The following MARCHF1 variants were observed in gnomAD, a reference collection of about 807,000 sequenced individuals.
MARCHF1 encodes membrane associated ring-CH-type finger 1, also known as E3 ubiquitin-protein ligase MARCHF1.
In MARCHF1, 40 loss-of-function variants were observed where a neutral mutation model predicts 54.2. The observed-to-expected ratio is 0.74, with a 90% CI of 0.57 to 0.96. The LOEUF is 0.96. MARCHF1 is among the 40% of genes least tolerant of loss of function. The pLI, the probability that MARCHF1 is intolerant of heterozygous loss-of-function variation, is 0.00. For missense variants in MARCHF1, 586 were observed against 656.5 expected, an observed-to-expected ratio of 0.89 and a Z score of 1.17; for synonymous variants, 236 against 236.3, an observed-to-expected ratio of 1.00 and a Z score of 0.01.
chr4:163,577,591 T>A (rs1299738218), intron 8 of MARCHF1, among the ~76,000 whole-genome samples: 2 of 152,018 alleles, frequency 1.3e-5, no homozygotes, highest in Admixed American at 6.6e-5. Flanking sequence ...ATCTTGCAGG[T>A]GTTCTCTGAA....
intron 3 of MARCHF1, among the ~76,000 whole-genome samples, chr4:163,894,910 T>TATATACATGCATGTGATGC (rs1560808131): frequency 1.8e-4 from 6 of 32,524 alleles, no homozygotes; most frequent in Admixed American, 4.2e-4. Context: ...GTGATGCATA[T>TATATACATGCATGTGATGC]ATATATATAT....
rs957760609 is a variant in MARCHF1 at position 164,351,496 on chromosome 4, G to A, written c.-323+32374C>T. On this transcript the variant is annotated intron_variant, in intron 1 of 9. Transcript: ENST00000514618. ...CTAACTGGGAGGCACCCCCCAGCAG[G>A]GGCACACTGACACCTCACACGGCAG... Among the ~76,000 whole-genome samples, 58 of 151,770 alleles carry A rather than the reference G, an allele frequency of 3.8e-4. 1 individual carries two copies. Among genetic ancestry groups the A allele is most frequent in the Non-Finnish European group, 6.6e-4 (45 of 67,866 alleles).
intron 1 of MARCHF1, among the ~76,000 whole-genome samples, chr4:164,267,499 G>A (rs1205530336): frequency 1.3e-5 from 2 of 152,138 alleles, no homozygotes; most frequent in Non-Finnish European, 2.9e-5. Flanking sequence ...ATGATTGCCT[G>A]TAGCCAACCC....
chr4:164,144,578 A>G (rs901423021), intron 1 of MARCHF1, among the ~76,000 whole-genome samples: 3 of 151,508 alleles, frequency 2.0e-5, no homozygotes, highest in African/African-American at 7.3e-5. Flanking sequence ...ACTACTGGGT[A>G]CATAACGAAA....
At chr4:164,067,325 TTAAAC>T (rs1424763820) in intron 2 of MARCHF1, among the ~76,000 whole-genome samples, 3 of 152,068 alleles carry the variant, frequency 2.0e-5, no homozygotes, top group Admixed American at 6.5e-5. Context: ...CTACCTGACT[TTAAAC>T]TATACTATAA....
Position 163,839,676 on chromosome 4 carries a change from T to C in MARCHF1, c.111+14345A>G, listed in dbSNP as rs140338800. ...ACATCTACAGAGACAAAGTGGATCA[T>C]AGTTGCCTAGTTGGAGGAGGCAAAT... On this transcript the variant is annotated intron_variant, in intron 4 of 9. Transcript: ENST00000514618. Among the ~76,000 whole-genome samples the C allele has an allele frequency of 5.3e-3, 810 of 152,230 alleles. 2 individuals carry two copies. Among genetic ancestry groups the C allele is most frequent in the Non-Finnish European group, 6.9e-3 (467 of 67,968 alleles).
chr4:164,207,585 G>T (rs1454015083), intron 1 of MARCHF1, among the ~76,000 whole-genome samples: 2 of 152,186 alleles, frequency 1.3e-5, no homozygotes, highest in African/African-American at 2.4e-5. Context: ...ACTGTGCTGG[G>T]GGGACTGAGG....
At chr4:164,036,590 A>G (rs1332168640) in intron 2 of MARCHF1, among the ~76,000 whole-genome samples, 2 of 152,230 alleles carry the variant, frequency 1.3e-5, no homozygotes. Context: ...GTTGTTTAAA[A>G]GACAAAAGAA....
chr4:164,042,858 A>G (rs529953373), intron 2 of MARCHF1, among the ~76,000 whole-genome samples: 5 of 152,346 alleles, frequency 3.3e-5, no homozygotes, highest in African/African-American at 9.6e-5. Context: ...AAATTGTCCA[A>G]AACAGACGGC....
At chr4:164,332,460 G>T (rs1159927421) in intron 1 of MARCHF1, among the ~76,000 whole-genome samples, 1 of 152,184 alleles carries the variant, frequency 6.6e-6, no homozygotes. Context: ...ATTGCTGATG[G>T]CAGTGGGGAT....
intron 2 of MARCHF1, among the ~76,000 whole-genome samples, chr4:164,061,280 G>A (rs1391337938): frequency 6.6e-6 from 1 of 151,404 alleles, no homozygotes; most frequent in Non-Finnish European, 1.5e-5. Context: ...TGTTATTTGG[G>A]CACTTTGCTT....
At chr4:164,310,471 AT>A (rs1734819666) in intron 1 of MARCHF1, among the ~76,000 whole-genome samples, 1 of 152,052 alleles carries the variant, frequency 6.6e-6, no homozygotes, top group African/African-American at 2.4e-5. Context: ...TATTTTCCAA[AT>A]CATTAGGAAA....
At chr4:164,101,427 G>A (rs1483079562) in intron 2 of MARCHF1, among the ~76,000 whole-genome samples, 4 of 120,354 alleles carry the variant, frequency 3.3e-5, no homozygotes, top group African/African-American at 1.1e-4. Flanking sequence ...AGAACGGGCA[G>A]ACTGCCTCCT....
intron 1 of MARCHF1, among the ~76,000 whole-genome samples, chr4:164,159,252 C>T (rs1039734688): frequency 1.3e-5 from 2 of 152,104 alleles, no homozygotes; most frequent in Non-Finnish European, 2.9e-5. Flanking sequence ...TACATTCATA[C>T]AAATATTAGG....
chr4:163,645,087 G>A (rs1344364554), intron 5 of MARCHF1, among the ~76,000 whole-genome samples: 1 of 152,120 alleles, frequency 6.6e-6, no homozygotes, highest in African/African-American at 2.4e-5. Flanking sequence ...GAACCTGGAG[G>A]AAGCCACATT....
At chr4:164,176,976 C>CTA (rs1279533259) in intron 1 of MARCHF1, among the ~76,000 whole-genome samples, 55 of 32,832 alleles carry the variant, frequency 1.7e-3, no homozygotes, top group African/African-American at 5.9e-3. Flanking sequence ...CTCTCTCTCT[C>CTA]TCTCTATATA....
intron 4 of MARCHF1, among the ~76,000 whole-genome samples, chr4:163,770,754 G>T (rs1747135297): frequency 6.6e-6 from 1 of 152,164 alleles, no homozygotes; most frequent in African/African-American, 2.4e-5. Context: ...GTTGAGAGGG[G>T]TTGGGAAGAA....
At chr4:163,704,384 T>G (rs1248228122) in intron 4 of MARCHF1, among the ~76,000 whole-genome samples, 1 of 151,722 alleles carries the variant, frequency 6.6e-6, no homozygotes, top group African/African-American at 2.4e-5. Context: ...AGCAAGGACA[T>G]AGGGAAATTG....
rs924949543 is a variant in MARCHF1 at position 164,105,372 on chromosome 4, A to T, written c.-248+6216T>A. ...ACTACCTGACTTCAAACTATACTAC[A>T]AGGCTGCAGTAACAAAACAGCATGG... On this transcript the variant is annotated intron_variant, in intron 2 of 9. Coordinates refer to ENST00000514618, the MANE Select transcript of MARCHF1 (RefSeq NM_001394959.1). Among the ~76,000 whole-genome samples the T allele has an allele frequency of 3.2e-4, 48 of 151,040 alleles. 1 individual carries two copies. Among genetic ancestry groups the T allele is most frequent in the Middle Eastern group, 6.8e-3 (2 of 294 alleles).
Sources: allele counts gnomAD v4.1 joint callset (sites outside exome capture counted in the v4.1 genomes callset), GRCh38; gene constraint gnomAD v4.1.1; transcripts MANE v1.5; gene names NCBI Gene and HGNC (gene_info 2026-07-23, HGNC 2026-07-21).